PHACTR4: variants seen among roughly 807,000 people sequenced by gnomAD.
PHACTR4 encodes the protein phosphatase and actin regulator 4.
In PHACTR4, 51 loss-of-function variants were observed where a neutral mutation model predicts 72.7. The ratio of observed to expected loss-of-function variants is 0.70; its 90% CI spans 0.56 to 0.89. The LOEUF (loss-of-function observed/expected upper bound fraction) is 0.89. Ranked by LOEUF, PHACTR4 falls within the 40% of genes least tolerant of loss-of-function variation. The pLI is 0.00. For missense variants in PHACTR4, 731 were observed against 861.8 expected (o/e 0.85, Z 1.90); for synonymous variants, 255 against 302.5 (o/e 0.84, Z 1.63).
intron 2 of PHACTR4, among the ~76,000 whole-genome samples, chr1:28,456,361 G>T (rs1658387836): frequency 6.6e-6 from 1 of 152,200 alleles, no homozygotes; most frequent in Non-Finnish European, 1.5e-5. Context: ...GCACCATATG[G>T]ATGGTGCTAA....
At chr1:28,448,981 C>G (rs1657735249) in intron 2 of PHACTR4, among the ~76,000 whole-genome samples, 1 of 151,452 alleles carries the variant, frequency 6.6e-6, no homozygotes. Context: ...GAAACCTGAT[C>G]TCTACTAAAA....
chr1:28,430,259 C>T (rs536724036), intron 2 of PHACTR4, among the ~76,000 whole-genome samples: 29 of 152,236 alleles, frequency 1.9e-4, no homozygotes, highest in African/African-American at 6.3e-4. Flanking sequence ...CTGCTGACCT[C>T]GTGATCTGTC....
intron 1 of PHACTR4, among the ~76,000 whole-genome samples, chr1:28,375,879 G>C (rs537664611): frequency 1.3e-5 from 2 of 152,112 alleles, no homozygotes; most frequent in African/African-American, 4.8e-5. Flanking sequence ...AGACCAGCCT[G>C]ACCAACATGG....
At chr1:28,376,430 C>T (rs1011491752) in intron 1 of PHACTR4, among the ~76,000 whole-genome samples, 6 of 151,802 alleles carry the variant, frequency 4.0e-5, no homozygotes, top group African/African-American at 9.7e-5. Flanking sequence ...CTCCTCCCAC[C>T]TCAACCCCCT....
chr1:28,391,452 G>A (rs527394295), intron 1 of PHACTR4, among the ~76,000 whole-genome samples: 137 of 151,526 alleles, frequency 9.0e-4, no homozygotes, highest in African/African-American at 2.9e-3. Context: ...ACTCATAGAA[G>A]CAGAGAATAA....
In PHACTR4 at chr1:28,497,584, T is replaced by C. The variant is rs1661433672; in HGVS notation, c.*1035T>C. The stretch of plus-strand genomic sequence containing the variant: ...GATGAGAAAGCATGTATATTTTCTA[T>C]ATACAAAAACAAGAAAGGCGTTTTG... On this transcript the variant is annotated 3_prime_UTR_variant, in exon 14 of 14. Coordinates refer to ENST00000373839, the MANE Select transcript of PHACTR4 (RefSeq NM_001048183.3). 7.0e-6 allele frequency: 1 copy of C among 143,078 alleles called. No homozygotes were observed. The highest frequency in any genetic ancestry group is 2.6e-5 in the African/African-American group (1 of 38,324). The allele number at this position is 143,078 out of a possible 1,614,324, so 8.9% of individuals were successfully genotyped here.
chr1:28,431,084 C>T (rs1411005209), intron 2 of PHACTR4, among the ~76,000 whole-genome samples: 16 of 149,850 alleles, frequency 1.1e-4, no homozygotes. Flanking sequence ...GATGCTGAGG[C>T]AGGAGAATGG....
At chr1:28,384,203 T>C (rs1483318972) in intron 1 of PHACTR4, among the ~76,000 whole-genome samples, 2 of 152,172 alleles carry the variant, frequency 1.3e-5, no homozygotes, top group Non-Finnish European at 2.9e-5. Flanking sequence ...GAGTCCCTCC[T>C]CTTCATTCTT....
chr1:28,434,379 T>C (rs1276067096), intron 2 of PHACTR4, among the ~76,000 whole-genome samples: 1 of 151,590 alleles, frequency 6.6e-6, no homozygotes, highest in Non-Finnish European at 1.5e-5. Context: ...TGGAATGCAG[T>C]AGCGCTATCT....
chr1:28,374,655 C>G (rs1397804153), intron 1 of PHACTR4, among the ~76,000 whole-genome samples: 1 of 152,074 alleles, frequency 6.6e-6, no homozygotes, highest in Non-Finnish European at 1.5e-5. Context: ...ACCATCTGTT[C>G]ATTCAGTCAA....
chr1:28,478,485 G>A (rs890845796), intron 8 of PHACTR4, among the ~76,000 whole-genome samples: 4 of 152,112 alleles, frequency 2.6e-5, no homozygotes, highest in African/African-American at 9.7e-5. Context: ...AGGCAGGAGT[G>A]CAGAGGCACG....
intron 2 of PHACTR4, among the ~76,000 whole-genome samples, chr1:28,443,491 A>AG (rs1657202087): frequency 6.6e-6 from 1 of 151,174 alleles, no homozygotes; most frequent in Non-Finnish European, 1.5e-5. Context: ...TCTGTCACCC[A>AG]GGCTGGAGTA....
rs949164430 is a variant in PHACTR4, at chr1:28,499,584, A to G, written c.*3035A>G. ...AACCTCTGCCTCCCAGGCTCAAGCA[A>G]TCCTCCCACTTCAGTCTAAGTAGCT... On this transcript the variant is annotated 3_prime_UTR_variant, in exon 14 of 14. Coordinates refer to ENST00000373839, the MANE Select transcript of PHACTR4 (RefSeq NM_001048183.3). 1 of 152,030 alleles carries G rather than the reference A, an allele frequency of 6.6e-6. No individual in the cohort carries two copies. Among genetic ancestry groups the G allele is most frequent in the African/African-American group, 2.4e-5 (1 of 41,372 alleles). The allele number at this position is 152,030 out of a possible 1,614,324, so 9.4% of individuals were successfully genotyped here. A position where few individuals can be genotyped will look rare whatever the true frequency, so the allele number is the denominator to read the frequency against.
intron 2 of PHACTR4, among the ~76,000 whole-genome samples, chr1:28,423,420 T>TAAATAAAC (rs1490800719): frequency 1.6e-5 from 2 of 125,748 alleles, no homozygotes; most frequent in Non-Finnish European, 3.1e-5. Flanking sequence ...AATAAATAAA[T>TAAATAAAC]AAATAAATAA....
chr1:28,390,609 G>A (rs1450832853), intron 1 of PHACTR4, among the ~76,000 whole-genome samples: 1 of 152,030 alleles, frequency 6.6e-6, no homozygotes, highest in Non-Finnish European at 1.5e-5. Context: ...GGCCAACATG[G>A]TGATACCCCT....
At chr1:28,439,082 A>G (rs979235742) in intron 2 of PHACTR4, among the ~76,000 whole-genome samples, 6 of 152,142 alleles carry the variant, frequency 3.9e-5, no homozygotes, top group African/African-American at 1.4e-4. Context: ...CTGCAAGCTC[A>G]TTTTCCTAAT....
In PHACTR4 at chr1:28,480,527, G is replaced by A; in HGVS notation, c.1683G>A (p.Leu561=). The change falls in exon 9 of 14, where the codon TTG becomes TTA. Residue 561 remains leucine, a synonymous_variant. Coordinates refer to ENST00000373839, the MANE Select transcript of PHACTR4 (RefSeq NM_001048183.3). ...ACCACAGACCCAGTGAACCAGAGTT[G>A]AACCTGAATTCTTGGCCTTGTAAAA... ...KLNHRPSEPE[L]NLNSWPCKSK... 6.2e-7 allele frequency: 1 copy of A among 1,614,152 alleles called. No individual in the cohort carries two copies. Among genetic ancestry groups the A allele is most frequent in the Non-Finnish European group, 8.5e-7 (1 of 1,180,046 alleles).
chr1:28,420,463 A>G (rs1655441154), intron 2 of PHACTR4, among the ~76,000 whole-genome samples: 2 of 152,060 alleles, frequency 1.3e-5, no homozygotes, highest in African/African-American at 4.8e-5. Flanking sequence ...TCCCACCATT[A>G]TGGTAAGTTT....
chr1:28,427,061 T>C (rs941687840), intron 2 of PHACTR4, among the ~76,000 whole-genome samples: 1 of 152,172 alleles, frequency 6.6e-6, no homozygotes, highest in Non-Finnish European at 1.5e-5. Context: ...TAAATAATCA[T>C]GTGTGGCTAG....
Sources: gnomAD v4.1 joint callset for allele counts (sites outside exome capture counted in the v4.1 genomes callset) on GRCh38, gnomAD v4.1.1 for gene constraint, MANE v1.5 for transcripts, NCBI Gene and HGNC (gene_info 2026-07-23, HGNC 2026-07-21) for gene names.